The following BMAL2 variants were observed in gnomAD, a reference collection of about 807,000 sequenced individuals.
The protein encoded by BMAL2 is basic helix-loop-helix ARNT-like protein 2.
the BMAL2 span, among the ~76,000 whole-genome samples, chr12:27,385,187 G>A: frequency 1.3e-5 from 2 of 152,190 alleles, no homozygotes; most frequent in South Asian, 2.1e-4. Flanking sequence ...GGTGGCATGC[G>A]CCTATAATCC....
the BMAL2 span, among the ~76,000 whole-genome samples, chr12:27,363,151 A>G: frequency 6.6e-6 from 1 of 152,078 alleles, no homozygotes; most frequent in Non-Finnish European, 1.5e-5. Context: ...GTATAGCTGG[A>G]CTTCATTCAT....
At chr12:27,424,085 AG>A in the BMAL2 span, 1 of 152,266 alleles carries the variant, frequency 6.6e-6, no homozygotes, top group South Asian at 2.1e-4. Flanking sequence ...CATTAAAATT[AG>A]TTCTACTTGT....
chr12:27,407,184 C>G, the BMAL2 span, among the ~76,000 whole-genome samples: 1 of 152,104 alleles, frequency 6.6e-6, no homozygotes, highest in African/African-American at 2.4e-5. Context: ...GACAGATCAA[C>G]GAGACAGAAA....
chr12:27,377,113 C>T, the BMAL2 span, among the ~76,000 whole-genome samples: 33 of 151,772 alleles, frequency 2.2e-4, no homozygotes, highest in South Asian at 1.5e-3. Flanking sequence ...CTGGCAACAT[C>T]GCCTATCAGA....
At chr12:27,380,943 G>A in the BMAL2 span, among the ~76,000 whole-genome samples, 3 of 151,428 alleles carry the variant, frequency 2.0e-5, no homozygotes, top group African/African-American at 4.9e-5. Context: ...CAGTAATCAT[G>A]CCACTGCACT....
chr12:27,419,506 CA>C, the BMAL2 span, among the ~76,000 whole-genome samples: 7 of 152,208 alleles, frequency 4.6e-5, no homozygotes, highest in South Asian at 2.1e-4. Context: ...TTCATGAGCA[CA>C]AAGGCCTCAT....
the BMAL2 span, among the ~76,000 whole-genome samples, chr12:27,333,694 C>A: frequency 0.041 from 6,204 of 152,332 alleles, 157 homozygotes; most frequent in Non-Finnish European, 0.061. Context: ...GATCGCAGCC[C>A]GCTCCGCGAC....
chr12:27,402,938 T>C, the BMAL2 span, among the ~76,000 whole-genome samples: 1 of 152,222 alleles, frequency 6.6e-6, no homozygotes, highest in Non-Finnish European at 1.5e-5. Flanking sequence ...TGTTATAATC[T>C]TGCATTATAC....
the BMAL2 span, among the ~76,000 whole-genome samples, chr12:27,393,915 G>A: frequency 1.3e-5 from 2 of 152,144 alleles, no homozygotes; most frequent in African/African-American, 2.4e-5. Context: ...AATAGTTTTT[G>A]AATACTGAAA....
chr12:27,361,957 C>G, the BMAL2 span, among the ~76,000 whole-genome samples: 1 of 151,704 alleles, frequency 6.6e-6, no homozygotes, highest in Non-Finnish European at 1.5e-5. Flanking sequence ...ATTCACATTC[C>G]TTATTTAAAG....
the BMAL2 span, chr12:27,401,118 G>A: frequency 8.7e-6 from 6 of 692,414 alleles, no homozygotes; most frequent in Admixed American, 7.3e-5. Context: ...GGCAGCCGAG[G>A]GGAGCCCAGT....
the BMAL2 span, among the ~76,000 whole-genome samples, chr12:27,335,306 G>A: frequency 6.6e-6 from 1 of 152,152 alleles, no homozygotes; most frequent in Non-Finnish European, 1.5e-5. Flanking sequence ...AATTGAGCAT[G>A]CTGCCAAGTG....
chr12:27,342,918 C>T, the BMAL2 span, among the ~76,000 whole-genome samples: 1 of 152,174 alleles, frequency 6.6e-6, no homozygotes, highest in Non-Finnish European at 1.5e-5. Context: ...TTATCACTTC[C>T]TTTCAACAAT....
the BMAL2 span, among the ~76,000 whole-genome samples, chr12:27,410,253 C>A: frequency 6.6e-6 from 1 of 152,096 alleles, no homozygotes; most frequent in Admixed American, 6.5e-5. Flanking sequence ...GGGTATATAC[C>A]CGAAGGATTA....
the BMAL2 span, among the ~76,000 whole-genome samples, chr12:27,355,499 T>C: frequency 6.6e-6 from 1 of 152,224 alleles, no homozygotes; most frequent in African/African-American, 2.4e-5. Flanking sequence ...TTTCAGCTCC[T>C]TCTGTGTGTC....
chr12:27,392,186 G>T, the BMAL2 span, among the ~76,000 whole-genome samples: 1 of 152,216 alleles, frequency 6.6e-6, no homozygotes, highest in African/African-American at 2.4e-5. Flanking sequence ...AAATCCTTCT[G>T]GCCCTTACTT....
the BMAL2 span, among the ~76,000 whole-genome samples, chr12:27,341,598 T>C: frequency 2.6e-5 from 4 of 152,252 alleles, no homozygotes; most frequent in South Asian, 2.1e-4. Context: ...TGACAGCCTA[T>C]TGGGAAGCAG....
chr12:27,395,803 A>G, the BMAL2 span, among the ~76,000 whole-genome samples: 1 of 152,334 alleles, frequency 6.6e-6, no homozygotes, highest in East Asian at 1.9e-4. Flanking sequence ...TAAAGGAACA[A>G]ATACATTTTT....
chr12:27,411,339 A>G, the BMAL2 span, among the ~76,000 whole-genome samples: 12 of 152,068 alleles, frequency 7.9e-5, no homozygotes, highest in Non-Finnish European at 1.6e-4. Context: ...ATAAACGGCC[A>G]GGTGCAGTAG....
Sources: gnomAD v4.1 joint callset for allele counts (sites outside exome capture counted in the v4.1 genomes callset) on GRCh38, gnomAD v4.1.1 for gene constraint, MANE v1.5 for transcripts, NCBI Gene and HGNC (gene_info 2026-07-23, HGNC 2026-07-21) for gene names.